LGI2: variants seen among roughly 807,000 people sequenced by gnomAD.
LGI2 encodes leucine-rich repeat LGI family member 2.
In LGI2, 30 loss-of-function variants were observed where a neutral mutation model predicts 52.0. The observed-to-expected ratio is 0.58, with a 90% confidence interval of 0.43 to 0.78. LGI2 has a LOEUF of 0.78. LGI2 is among the 30% of genes least tolerant of loss of function. LGI2 has a pLI of 0.00. For missense variants in LGI2, 573 were observed against 692.5 expected, an observed-to-expected ratio of 0.83 and a Z score of 1.94; for synonymous variants, 270 against 271.8, an observed-to-expected ratio of 0.99 and a Z score of 0.06.
At chr4:25,013,294 G>A (rs1725650395) in intron 6 of LGI2, among the ~76,000 whole-genome samples, 1 of 152,190 alleles carries the variant, frequency 6.6e-6, no homozygotes, top group African/African-American at 2.4e-5. Context: ...TTGCTTCTCA[G>A]CCCACTCTAA....
chr4:25,018,860 T>TAA (rs376229902), intron 5 of LGI2, among the ~76,000 whole-genome samples: 1 of 140,280 alleles, frequency 7.1e-6, no homozygotes. Context: ...AGACTACATC[T>TAA]AAAAAAAAAA....
Position 25,026,902 on chromosome 4 carries a change from C to T in LGI2, c.307G>A (p.Asp103Asn), listed in dbSNP as rs1238066834. The T allele has an allele frequency of 6.2e-7, 1 of 1,613,842 alleles. No individual in the cohort carries two copies. Among genetic ancestry groups the T allele is most frequent in the Non-Finnish European group, 8.5e-7 (1 of 1,179,714 alleles). Residue 103 changes from aspartate to asparagine, a missense_variant, in exon 3 of 8, where the codon GAT becomes AAT. By Grantham distance (23) the Asp-to-Asn change is conservative (BLOSUM62 1). Transcript: ENST00000382114. ...AGATGAAAAAGTCCAGCAAAAGCAT[C>T]ATCCCGGATGATCGTGAATGAGTTA... ...NSNSFTIIRD[D>N]AFAGLFHLEY... is the part of the protein sequence containing the mutation.
intron 4 of LGI2, among the ~76,000 whole-genome samples, chr4:25,020,662 G>T (rs1725926552): frequency 6.6e-6 from 1 of 152,196 alleles, no homozygotes; most frequent in African/African-American, 2.4e-5. Flanking sequence ...ATGAATTAAA[G>T]AAATGACTCT....
rs1170569107 is a variant in LGI2 at position 25,019,213 on chromosome 4, C to T, written c.439G>A (p.Ala147Thr). 1 of 1,608,964 alleles carries T rather than the reference C, an allele frequency of 6.2e-7. No individual in the cohort carries two copies. The highest frequency in any genetic ancestry group is 2.2e-5 in the East Asian group (1 of 44,704). Reference protein sequence around the residue: ...HLSLANNHIKALPRDVFSDLD... With the variant: ...HLSLANNHIKTLPRDVFSDLD... ...TCACTGAAGACATCCCTTGGTAGTG[C>T]TTTTATGTGGTTATTGGCCAAAGAA... Residue 147 changes from alanine (A) to threonine (T), a missense_variant, in exon 5 of 8, where the codon GCA becomes ACA. Transcript: ENST00000382114.
downstream of LGI2, among the ~76,000 whole-genome samples, chr4:24,997,022 G>A (rs1577539327): frequency 6.6e-6 from 1 of 152,158 alleles, no homozygotes; most frequent in Non-Finnish European, 1.5e-5. Flanking sequence ...AGGCAGGAGT[G>A]GGAGAAACTC....
chr4:25,021,136 A>G (rs1265335850), intron 4 of LGI2, among the ~76,000 whole-genome samples: 3 of 151,958 alleles, frequency 2.0e-5, no homozygotes, highest in African/African-American at 7.3e-5. Context: ...GAGTTTAGCA[A>G]CGTTCCAAGT....
intron 7 of LGI2, among the ~76,000 whole-genome samples, chr4:25,012,041 A>C (rs1018641336): frequency 2.6e-5 from 4 of 152,204 alleles, no homozygotes; most frequent in African/African-American, 9.6e-5. Context: ...GCTCAGGACA[A>C]GGGATTCTCA....
At chr4:24,993,064 T>C in the LGI2 span, among the ~76,000 whole-genome samples, 2 of 152,190 alleles carry the variant, frequency 1.3e-5, no homozygotes, top group Admixed American at 6.5e-5. Context: ...TGTGCCTCTG[T>C]TGATTCATTT....
Position 25,026,939 on chromosome 4 carries a change from T to G in LGI2, c.270A>C (p.Leu90=). The G allele has an allele frequency of 6.2e-7, 1 of 1,611,756 alleles. No individual in the cohort carries two copies. Among genetic ancestry groups the G allele is most frequent in the Non-Finnish European group, 8.5e-7 (1 of 1,177,866 alleles). The part of the protein sequence containing the change: ...MFSHLPSLQL[L]LLNSNSFTII... ...TCGTGAATGAGTTAGAATTCAGCAA[T>G]CTGAAAGTAAGAGACAGATTCCAAT... Residue 90 remains leucine, a splice_region_variant and synonymous_variant, in exon 3 of 8, where the codon CTA becomes CTC. Transcript: ENST00000382114.
intron 7 of LGI2, among the ~76,000 whole-genome samples, chr4:25,009,848 T>G (rs1049913552): frequency 1.3e-5 from 2 of 151,770 alleles, no homozygotes; most frequent in Non-Finnish European, 2.9e-5. Context: ...ACTGGCCAGG[T>G]TGGTCTCAAA....
chr4:25,004,073 A>C lies in LGI2; in HGVS notation c.1016T>G (p.Phe339Cys). 1 of 1,614,196 alleles carries C rather than the reference A, an allele frequency of 6.2e-7. No individual in the cohort carries two copies. ...IELFQIDDETFFVIADSSKAG... is the reference protein window; with the variant it reads ...IELFQIDDETCFVIADSSKAG... ...CTTTGAGCTGTCTGCGATGACAAAG[A>C]ACGTCTCGTCGTCGATCTGAAACAG... Residue 339 changes from phenylalanine (F) to cysteine (C), a missense_variant, in exon 8 of 8, where the codon TTC becomes TGC. Phe to Cys is a radical substitution (Grantham distance 205). Transcript: ENST00000382114. The surrounding 1 kb of genome is among the most constrained non-coding windows in gnomAD (Gnocchi z 4.6).
At chr4:25,014,448 G>C (rs6851994) in intron 6 of LGI2, among the ~76,000 whole-genome samples, 110,515 of 145,880 alleles carry the variant, frequency 0.76, 42,586 homozygotes, top group East Asian at 0.98. Context: ...AATTATAAAT[G>C]TAACTCTTAA....
intron 2 of LGI2, 118 bp downstream of exon 2, chr4:25,028,389 G>C (rs1054360789): frequency 1.1e-5 from 9 of 842,012 alleles, no homozygotes; most frequent in Admixed American, 2.2e-5. Flanking sequence ...AGGCAGCCAC[G>C]GTCTCCTCAC....
intron 6 of LGI2, among the ~76,000 whole-genome samples, chr4:25,016,030 T>C (rs1725746407): frequency 6.6e-6 from 1 of 152,144 alleles, no homozygotes; most frequent in African/African-American, 2.4e-5. Context: ...TGAAGACAAA[T>C]ACTGCATGAG....
chr4:25,019,114 T>C (rs1477713124), intron 5 of LGI2, 53 bp downstream of exon 5: 10 of 1,101,500 alleles, frequency 9.1e-6, no homozygotes, highest in South Asian at 3.8e-5. Context: ...TTGAAAGACA[T>C]GATTAACTGG....
At chr4:24,997,564 A>G (rs1288909404), downstream of LGI2, among the ~76,000 whole-genome samples, 1 of 152,216 alleles carries the variant, frequency 6.6e-6, no homozygotes, top group Non-Finnish European at 1.5e-5. Context: ...ACCTTTCCTC[A>G]TATGAATTTA....
At chr4:25,020,458 T>G (rs955717991) in intron 4 of LGI2, among the ~76,000 whole-genome samples, 4 of 152,210 alleles carry the variant, frequency 2.6e-5, no homozygotes, top group Admixed American at 6.5e-5. Flanking sequence ...ACACTGAGTT[T>G]GTGATTTCCC....
At position 25,030,850 on chromosome 4, in the gene LGI2, C is replaced by G. The variant is rs1726323575; in HGVS notation, c.-157G>C. On this transcript the variant is annotated 5_prime_UTR_variant, in exon 1 of 8. Transcript: ENST00000382114. The stretch of plus-strand genomic sequence containing the variant: ...CGGGTGTGGGAGGCCGAGCCGCAGC[C>G]GAGCAGCATGCTGGCCGCCACCCCC... The G allele has an allele frequency of 4.2e-6, 1 of 240,456 alleles. No homozygotes were observed. The highest frequency in any genetic ancestry group is 6.8e-6 in the Non-Finnish European group (1 of 147,038). 14.9% of individuals were successfully genotyped at this position (240,456 alleles called of 1,614,324 possible).
At chr4:25,023,321 T>G (rs1224449302) in intron 4 of LGI2, among the ~76,000 whole-genome samples, 1 of 152,184 alleles carries the variant, frequency 6.6e-6, no homozygotes, top group Non-Finnish European at 1.5e-5. Context: ...AATTGTAGTC[T>G]CTACAGGAAT....
Sources: gnomAD v4.1 joint callset for allele counts (sites outside exome capture counted in the v4.1 genomes callset) on GRCh38, gnomAD v4.1.1 for gene constraint, Gnocchi (gnomAD v3.1) non-coding constraint, MANE v1.5 for transcripts, NCBI Gene and HGNC (gene_info 2026-07-23, HGNC 2026-07-21) for gene names.